The following PLCL1 variants were observed in gnomAD, a reference collection of about 807,000 sequenced individuals.
PLCL1 encodes inactive phospholipase C-like protein 1.
PLCL1 carries 41 observed loss-of-function variants against 84.4 expected under a neutral mutation model. The ratio of observed to expected loss-of-function variants is 0.49; its 90% CI spans 0.38 to 0.63. PLCL1 has a LOEUF of 0.63. Ranked by LOEUF, PLCL1 falls within the 30% of genes least tolerant of loss-of-function variation. The pLI is 0.00. For synonymous variants in PLCL1, 490 were observed against 488.3 expected (o/e 1.00, Z -0.05); for missense variants, 1,206 against 1,367.8 (o/e 0.88, Z 1.87).
At chr2:197,994,780 T>G (rs1444931623) in intron 1 of PLCL1, among the ~76,000 whole-genome samples, 1 of 152,206 alleles carries the variant, frequency 6.6e-6, no homozygotes, top group Non-Finnish European at 1.5e-5. Flanking sequence ...TACTTTTAAA[T>G]GTATTTTAAT....
chr2:197,988,344 A>G (rs1361960618), intron 1 of PLCL1, among the ~76,000 whole-genome samples: 4 of 152,206 alleles, frequency 2.6e-5, no homozygotes, highest in East Asian at 1.9e-4. Context: ...AGCAGTGTAC[A>G]TTGTACCCAA....
At chr2:197,993,252 G>A (rs1419287423) in intron 1 of PLCL1, among the ~76,000 whole-genome samples, 2 of 152,134 alleles carry the variant, frequency 1.3e-5, no homozygotes, top group African/African-American at 4.8e-5. Flanking sequence ...CATTTCCCTA[G>A]TGACTGGTGA....
At chr2:197,996,462 C>T (rs1003355499) in intron 1 of PLCL1, among the ~76,000 whole-genome samples, 2 of 152,056 alleles carry the variant, frequency 1.3e-5, no homozygotes, top group African/African-American at 4.8e-5. Context: ...AATAATGTAT[C>T]AATATTGGTT....
intron 4 of PLCL1, 47 bp downstream of exon 4, chr2:198,101,407 T>C (rs1693331718): frequency 1.4e-5 from 15 of 1,046,348 alleles, no homozygotes; most frequent in Non-Finnish European, 2.1e-5. Context: ...CTATTTTGTT[T>C]GGAAACTATA....
At chr2:198,032,248 G>C (rs1691446168) in intron 1 of PLCL1, among the ~76,000 whole-genome samples, 1 of 152,050 alleles carries the variant, frequency 6.6e-6, no homozygotes, top group South Asian at 2.1e-4. Flanking sequence ...TTAAATATTT[G>C]GACGTTTTCC....
intron 1 of PLCL1, among the ~76,000 whole-genome samples, chr2:197,841,479 A>C (rs1687001969): frequency 6.6e-6 from 1 of 152,168 alleles, no homozygotes; most frequent in South Asian, 2.1e-4. Context: ...TAGTGTTTTC[A>C]TACTGGCTTC....
chr2:197,924,930 A>G (rs1037398585), intron 1 of PLCL1, among the ~76,000 whole-genome samples: 4 of 152,216 alleles, frequency 2.6e-5, no homozygotes, highest in Non-Finnish European at 5.9e-5. Context: ...GCAAATTTCT[A>G]GCTGATTCCC....
At chr2:197,961,141 C>T (rs1689612980) in intron 1 of PLCL1, among the ~76,000 whole-genome samples, 1 of 151,788 alleles carries the variant, frequency 6.6e-6, no homozygotes, top group African/African-American at 2.4e-5. Flanking sequence ...TTCCCTTTCC[C>T]ATAGTGTGTA....
intron 1 of PLCL1, among the ~76,000 whole-genome samples, chr2:198,034,896 T>C (rs925538561): frequency 1.3e-5 from 2 of 152,232 alleles, no homozygotes; most frequent in Non-Finnish European, 2.9e-5. Context: ...AGGCCAGTTA[T>C]TTTGGGTTAA....
rs545948735 is a variant in PLCL1, at chr2:197,856,328, G to A, written c.240+50989G>A. Reference sequence around the variant, plus strand: ...ACAATTGATAAATGAGATAGAAGTCGAGATAAGTTAGAGGAGAATGATGCT... The same window carrying A: ...ACAATTGATAAATGAGATAGAAGTCAAGATAAGTTAGAGGAGAATGATGCT... On this transcript the variant is annotated intron_variant, in intron 1 of 5. Coordinates refer to ENST00000428675, the MANE Select transcript of PLCL1 (RefSeq NM_006226.4). Among the ~76,000 whole-genome samples, 17 of 152,156 alleles carry A rather than the reference G, an allele frequency of 1.1e-4. 1 individual carries two copies. In the South Asian group the frequency reaches 1.9e-3, roughly 17 times the overall value.
rs542849548 is a variant in PLCL1 at position 198,059,322 on chromosome 2, A to C, written c.241-24436A>C. Among the ~76,000 whole-genome samples, 364 of 152,306 alleles carry C rather than the reference A, an allele frequency of 2.4e-3. 1 individual carries two copies. Among genetic ancestry groups the C allele is most frequent in the African/African-American group, 8.1e-3 (336 of 41,566 alleles). ...CATATAAAAAGAAATCAAATATTTA[A>C]ATTTGATGTATCTCATTATTAAAAA... is the stretch of plus-strand genomic sequence containing the variant. On this transcript the variant is annotated intron_variant, in intron 1 of 5. Transcript: ENST00000428675.
At chr2:197,923,530 G>A (rs1688765272) in intron 1 of PLCL1, among the ~76,000 whole-genome samples, 2 of 142,398 alleles carry the variant, frequency 1.4e-5, no homozygotes, top group Non-Finnish European at 3.1e-5. Context: ...GGGCGGCGGG[G>A]CAGAGTCGCT....
chr2:198,141,069 A>C lies in PLCL1; in HGVS notation c.3106-5711A>C, dbSNP rs114912427. 3.4e-3 allele frequency among the ~76,000 whole-genome samples: 518 copies of C among 152,298 alleles called. 1 individual carries two copies. The highest frequency in any genetic ancestry group is 0.012 in the African/African-American group (493 of 41,578). ...GCAGAGTTTCATTTGTTTTGGGTTTAGAGTTTCAGAAGAATAACAGATAAA... is the reference window on the plus strand; with the variant it reads ...GCAGAGTTTCATTTGTTTTGGGTTTCGAGTTTCAGAAGAATAACAGATAAA... On this transcript the variant is annotated intron_variant, in intron 5 of 5. Coordinates refer to ENST00000428675, the MANE Select transcript of PLCL1 (RefSeq NM_006226.4).
intron 1 of PLCL1, among the ~76,000 whole-genome samples, chr2:197,944,236 A>G (rs909554567): frequency 8.8e-6 from 1 of 113,762 alleles, no homozygotes; most frequent in African/African-American, 3.6e-5. Context: ...TTCTGAAGAG[A>G]CAATTTTGTC....
At position 197,991,649 on chromosome 2, in the gene PLCL1, T is replaced by C. The variant is rs75468684; in HGVS notation, c.241-92109T>C. Among the ~76,000 whole-genome samples the C allele has an allele frequency of 9.3e-3, 1,424 of 152,318 alleles. 24 individuals carry two copies. The highest frequency in any genetic ancestry group is 0.032 in the African/African-American group (1,350 of 41,570). ...TCCACTGGAAGTACAGTCTGCTTAG[T>C]ATATTTATTCCAAACTTCAGAATTT... On this transcript the variant is annotated intron_variant, in intron 1 of 5. Coordinates refer to ENST00000428675, the MANE Select transcript of PLCL1 (RefSeq NM_006226.4).
Position 197,866,131 on chromosome 2 carries a change from ATATATATAAAC to A in PLCL1, c.240+60801_240+60811del, listed in dbSNP as rs1432688036. On this transcript the variant is annotated intron_variant, in intron 1 of 5. Transcript: ENST00000428675. The stretch of plus-strand genomic sequence containing the variant: ...AACTATATATATATATAAACTATAT[ATATATATAAAC>A]TATATATATATATAAACTATATATA... 6.3e-3 allele frequency among the ~76,000 whole-genome samples: 92 copies of A among 14,562 alleles called. 17 individuals carry two copies. Among genetic ancestry groups the A allele is most frequent in the Non-Finnish European group, 9.5e-3 (76 of 7,996 alleles). The allele number at this position is 14,562 out of a possible 152,430, so 9.6% of individuals were successfully genotyped here. A position where few individuals can be genotyped will look rare whatever the true frequency, so the allele number is the denominator to read the frequency against.
intron 5 of PLCL1, among the ~76,000 whole-genome samples, chr2:198,117,830 A>G (rs1693781118): frequency 6.6e-6 from 1 of 151,932 alleles, no homozygotes; most frequent in Non-Finnish European, 1.5e-5. Context: ...GAGTCAGCCC[A>G]TAGAGTCTTT....
intron 1 of PLCL1, among the ~76,000 whole-genome samples, chr2:197,866,503 A>G (rs936540500): frequency 1.3e-5 from 2 of 151,998 alleles, no homozygotes; most frequent in Non-Finnish European, 1.5e-5. Context: ...GACCTTTCAC[A>G]TTTCTCTTGT....
intron 5 of PLCL1, among the ~76,000 whole-genome samples, chr2:198,146,483 G>C (rs1694519148): frequency 1.3e-5 from 2 of 152,120 alleles, no homozygotes; most frequent in South Asian, 4.1e-4. Context: ...CATGGTGATG[G>C]AAGAGTTGAT....
Sources: allele counts gnomAD v4.1 joint callset (sites outside exome capture counted in the v4.1 genomes callset), GRCh38; gene constraint gnomAD v4.1.1; transcripts MANE v1.5; gene names NCBI Gene and HGNC (gene_info 2026-07-23, HGNC 2026-07-21).